Variants in FBN1 observed in about 807,000 individuals in gnomAD.
FBN1 encodes fibrillin-1.
A neutral mutation model predicts 365.1 loss-of-function variants in FBN1; 29 were observed. That is an observed-to-expected ratio of 0.08 (90% confidence interval 0.06 to 0.11). The LOEUF (loss-of-function observed/expected upper bound fraction) is 0.11, where lower values mean the gene tolerates loss of function less well. Among genes scored for constraint, FBN1 ranks in the 10% least tolerant of loss-of-function variants. FBN1 has a pLI of 1.00. For synonymous variants in FBN1, 1,210 were observed against 1,270.5 expected (o/e 0.95, Z 1.01); for missense variants, 2,476 against 3,703.2 (o/e 0.67, Z 8.60).
In FBN1 at chr15:48,412,667, G is replaced by A. The variant is rs1342786403; in HGVS notation, c.8128C>T (p.Leu2710Phe). The part of the protein sequence containing the change: ...PVSGEMDDNS[L>F]SPEACYECKI... ...CACTCGTAACAAGCCTCTGGGGAGA[G>A]TGAATTGTCATCCATTTCACCACTG... Residue 2710 changes from leucine to phenylalanine, a missense_variant, in exon 65 of 66, where the codon CTC becomes TTC. Physicochemically the swap from Leu to Phe is conservative, Grantham distance 22. This residue lies in a region of FBN1 where 177 missense variants were observed against 192.7 expected (regional missense o/e 0.92). Coordinates refer to ENST00000316623, the MANE Select transcript of FBN1 (RefSeq NM_000138.5). The A allele has an allele frequency of 6.2e-7, 1 of 1,614,270 alleles. No individual in the cohort carries two copies. The highest frequency in any genetic ancestry group is 1.7e-5 in the Admixed American group (1 of 60,034).
intron 12 of FBN1, among the ~76,000 whole-genome samples, chr15:48,514,106 G>GA (rs1350915702): frequency 6.6e-6 from 1 of 152,194 alleles, no homozygotes; most frequent in Non-Finnish European, 1.5e-5. Flanking sequence ...AACAAAACAT[G>GA]AAGCAACTGT....
chr15:48,503,652 C>T, intron 17 of FBN1, 135 bp downstream of exon 17: 6 of 1,137,460 alleles, frequency 5.3e-6, no homozygotes, highest in Non-Finnish European at 7.9e-6. Flanking sequence ...TGGCTGGCCT[C>T]TGCCAAGACC....
intron 20 of FBN1, 51 bp from the exon 21 acceptor site, chr15:48,495,639 A>C (rs774982511): frequency 6.2e-7 from 1 of 1,612,600 alleles, no homozygotes; most frequent in South Asian, 1.1e-5. Flanking sequence ...CTTGGGCCTA[A>C]AAGAGTACTT....
At position 48,412,696 on chromosome 15, in the gene FBN1, G is replaced by A. The variant is rs886038782; in HGVS notation, c.8099C>T (p.Pro2700Leu). 2 of 1,614,246 alleles carry A rather than the reference G, an allele frequency of 1.2e-6. No individual in the cohort carries two copies. The highest frequency in any genetic ancestry group is 1.7e-6 in the Non-Finnish European group (2 of 1,180,030). ...ATTGTCATCCATTTCACCACTGACA[G>A]GTGGCTCTGGGTTTCCTCGGCCCAT... is the stretch of plus-strand genomic sequence containing the variant. ...MGMGRGNPEPPVSGEMDDNSL... is the reference protein window; with the variant it reads ...MGMGRGNPEPLVSGEMDDNSL... The change falls in exon 65 of 66, where the codon CCT becomes CTT. Residue 2700 changes from proline to leucine, a missense_variant. Coordinates refer to ENST00000316623, the MANE Select transcript of FBN1 (RefSeq NM_000138.5).
In FBN1 at chr15:48,465,615, C is replaced by T. The variant is rs756227025; in HGVS notation, c.4895G>A (p.Arg1632His). The change falls in exon 40 of 66, where the codon CGC becomes CAC. Residue 1632 changes from arginine to histidine, a missense_variant. Arg to His is a conservative substitution (Grantham distance 29, BLOSUM62 0). Coordinates refer to ENST00000316623, the MANE Select transcript of FBN1 (RefSeq NM_000138.5). ...ATTCAGGTAGTAGCCGGTTGGACAG[C>T]GGCACTGGAAACTCCCAAAGGTGTT... is the stretch of plus-strand genomic sequence containing the variant. ...CINTFGSFQC[R>H]CPTGYYLNED... 8.7e-6 allele frequency: 14 copies of T among 1,613,972 alleles called. No individual in the cohort carries two copies. The East Asian group carries it at 1.8e-4, about 21-fold the overall frequency.
At chr15:48,435,712 G>T (rs2413903) in intron 53 of FBN1, among the ~76,000 whole-genome samples, 1 of 126,808 alleles carries the variant, frequency 7.9e-6, no homozygotes, top group Admixed American at 8.6e-5. Flanking sequence ...GTATATATAT[G>T]TGTGTATATA....
chr15:48,638,153 G>T (rs1890129003), intron 2 of FBN1, among the ~76,000 whole-genome samples: 1 of 151,746 alleles, frequency 6.6e-6, no homozygotes, highest in Non-Finnish European at 1.5e-5. Flanking sequence ...TCCTGCCTCA[G>T]CCTCCCAAAG....
intron 6 of FBN1, among the ~76,000 whole-genome samples, chr15:48,559,309 G>A (rs1288410368): frequency 2.6e-5 from 4 of 152,172 alleles, no homozygotes; most frequent in Admixed American, 6.5e-5. Flanking sequence ...AGACCCCTTC[G>A]AAAGGGAGCT....
chr15:48,536,824 A>G (rs1277293845), intron 7 of FBN1, among the ~76,000 whole-genome samples: 1 of 152,238 alleles, frequency 6.6e-6, no homozygotes, highest in African/African-American at 2.4e-5. Context: ...CCAAAGTATT[A>G]TCTATTTGCC....
intron 8 of FBN1, among the ~76,000 whole-genome samples, chr15:48,532,506 ATGTG>A (rs528870539): frequency 1.3e-5 from 2 of 149,616 alleles, no homozygotes; most frequent in South Asian, 2.1e-4. Flanking sequence ...ATATATGTGT[ATGTG>A]TGTGTGTGTG....
intron 7 of FBN1, among the ~76,000 whole-genome samples, chr15:48,537,275 A>G (rs994751510): frequency 4.6e-5 from 7 of 152,124 alleles, no homozygotes; most frequent in African/African-American, 1.7e-4. Context: ...AACATAAACT[A>G]CCTTGTTCAC....
chr15:48,588,645 T>C (rs543680770), intron 6 of FBN1, among the ~76,000 whole-genome samples: 2 of 152,328 alleles, frequency 1.3e-5, no homozygotes, highest in East Asian at 3.9e-4. Context: ...GATGCCACAT[T>C]CTAAGTCAAG....
At chr15:48,484,523 C>T (rs941622966) in intron 30 of FBN1, among the ~76,000 whole-genome samples, 5 of 152,076 alleles carry the variant, frequency 3.3e-5, no homozygotes, top group African/African-American at 7.2e-5. Context: ...AGGCATGTGC[C>T]ACCACACCCA....
intron 29 of FBN1, among the ~76,000 whole-genome samples, chr15:48,486,564 G>A (rs2043508707): frequency 6.6e-6 from 1 of 152,180 alleles, no homozygotes; most frequent in Admixed American, 6.5e-5. Flanking sequence ...CAATTGCAGT[G>A]TAAGATATGA....
chr15:48,432,924 T>A lies in FBN1; in HGVS notation c.6681A>T (p.Ser2227=), dbSNP rs363824. Residue 2227 remains serine (S), a synonymous_variant, in exon 55 of 66, where the codon TCA becomes TCT. Transcript: ENST00000316623. ...ATCCCACGGGACATTTGCATTCATA[T>A]GACCCATAAGTGTTCACACATCGGA... ...CAFRCVNTYG[S]YECKCPVGYV... is the part of the protein sequence containing the mutation. 7 of 1,613,766 alleles carry A rather than the reference T, an allele frequency of 4.3e-6. No homozygotes were observed. The highest frequency in any genetic ancestry group is 5.9e-6 in the Non-Finnish European group (7 of 1,179,704).
chr15:48,552,780 T>C (rs995181473), intron 6 of FBN1, among the ~76,000 whole-genome samples: 8 of 152,224 alleles, frequency 5.3e-5, no homozygotes, highest in South Asian at 2.1e-4. Flanking sequence ...AAGCATAAGA[T>C]ACTACATTTC....
Position 48,468,045 on chromosome 15 carries a change from G to C in FBN1, c.4640C>G (p.Thr1547Arg), listed in dbSNP as rs183306990. The C allele has an allele frequency of 1.9e-6, 3 of 1,614,156 alleles. No individual in the cohort carries two copies. Among genetic ancestry groups the C allele is most frequent in the Non-Finnish European group, 2.5e-6 (3 of 1,180,012 alleles). ...DIRPRGDNGD[T>R]ACSNEIGVGV... ...AACTCCAATTTCATTGCTGCAGGCT[G>C]TATCTCCATTGTCTCCTCGAGGTCG... Residue 1547 changes from threonine to arginine, a missense_variant, in exon 38 of 66, where the codon ACA becomes AGA. Thr to Arg is a moderately conservative substitution (Grantham distance 71). Transcript: ENST00000316623.
At position 48,623,996 on chromosome 15, in the gene FBN1, C is replaced by CAT. The variant is rs10668683; in HGVS notation, c.165-10905_165-10904insAT. On this transcript the variant is annotated intron_variant, in intron 2 of 65. Transcript: ENST00000316623. Reference sequence around the variant, plus strand: ...ACACACACACACACACACACACACACGCACAGCCTAAGAAAATTAGGAAAT... The same window carrying CAT: ...ACACACACACACACACACACACACACATGCACAGCCTAAGAAAATTAGGAAAT... Among the ~76,000 whole-genome samples, 15 of 151,360 alleles carry CAT rather than the reference C, an allele frequency of 9.9e-5. 1 individual carries two copies. The highest frequency in any genetic ancestry group is 2.7e-4 in the African/African-American group (11 of 41,240).
chr15:48,431,493 A>G (rs1174006514), intron 55 of FBN1, among the ~76,000 whole-genome samples: 1 of 152,086 alleles, frequency 6.6e-6, no homozygotes, highest in Non-Finnish European at 1.5e-5. Flanking sequence ...TTATAATATA[A>G]TGGATATATC....
Sources: allele counts gnomAD v4.1 joint callset (sites outside exome capture counted in the v4.1 genomes callset), GRCh38; gene constraint gnomAD v4.1.1; regional missense constraint gnomAD v4.1.1; transcripts MANE v1.5; gene names NCBI Gene and HGNC (gene_info 2026-07-23, HGNC 2026-07-21).